Variants in TMEM132D observed in about 807,000 individuals in gnomAD.
The protein encoded by TMEM132D is mature OL transmembrane protein.
Under a neutral mutation model 62.3 loss-of-function variants are expected in TMEM132D, and 21 were observed. The observed-to-expected ratio is 0.34, with a 90% CI of 0.24 to 0.49. TMEM132D has a LOEUF of 0.49. Ranked by LOEUF, TMEM132D falls within the 20% of genes least tolerant of loss-of-function variation. TMEM132D has a pLI of 0.99. For missense variants in TMEM132D, 1,346 were observed against 1,402.8 expected (o/e 0.96, Z 0.65); for synonymous variants, 621 against 575.6 (o/e 1.08, Z -1.13).
At chr12:129,546,829 T>C (rs992772963) in intron 2 of TMEM132D, among the ~76,000 whole-genome samples, 5 of 151,788 alleles carry the variant, frequency 3.3e-5, no homozygotes, top group African/African-American at 1.2e-4. Context: ...AAAAAAGCTG[T>C]AGACAAGGGT....
intron 3 of TMEM132D, among the ~76,000 whole-genome samples, chr12:129,352,020 A>C (rs1463450791): frequency 6.6e-6 from 1 of 152,112 alleles, no homozygotes. Flanking sequence ...TCCTGTTGTA[A>C]AGGGAAGAGG....
chr12:129,210,956 C>T (rs1401681905), intron 4 of TMEM132D: 1 of 152,298 alleles, frequency 6.6e-6, no homozygotes, highest in South Asian at 2.1e-4. Context: ...CTCAGTGACT[C>T]CTCTAGAATT....
intron 4 of TMEM132D, among the ~76,000 whole-genome samples, chr12:129,226,117 G>A (rs982527130): frequency 6.6e-6 from 1 of 152,198 alleles, no homozygotes; most frequent in East Asian, 1.9e-4. Context: ...CGCATCATGT[G>A]TTTGCTCTGG....
In TMEM132D at chr12:129,699,926, C is replaced by T. The variant is rs760214046; in HGVS notation, c.852G>A (p.Leu284=). Residue 284 remains leucine, a synonymous_variant, in exon 2 of 9, where the codon CTG becomes CTA. Transcript: ENST00000422113. ...QTHRKPSLRE[L]RLDNSVAIHY... ...GGATGGCCACGCTGTTGTCCAGACG[C>T]AGTTCTCTCAGGGAGGGTTTCCTGT... The T allele has an allele frequency of 1.2e-4, 199 of 1,614,046 alleles. No homozygotes were observed. Among genetic ancestry groups the T allele is most frequent in the Non-Finnish European group, 1.7e-4 (196 of 1,180,040 alleles).
At chr12:129,291,078 A>G (rs1358116616) in intron 4 of TMEM132D, among the ~76,000 whole-genome samples, 1 of 152,206 alleles carries the variant, frequency 6.6e-6, no homozygotes, top group African/African-American at 2.4e-5. Context: ...GAAGAGAGAC[A>G]CCAAATGGAA....
chr12:129,726,937 G>A (rs78197221), intron 1 of TMEM132D, among the ~76,000 whole-genome samples: 3,140 of 152,278 alleles, frequency 0.021, 56 homozygotes, highest in Middle Eastern at 0.034. Flanking sequence ...CTGTGGCTGT[G>A]TGCTGGACAG....
chr12:129,542,333 T>C (rs1876603959), intron 2 of TMEM132D, among the ~76,000 whole-genome samples: 2 of 152,242 alleles, frequency 1.3e-5, no homozygotes. Flanking sequence ...TCAGCCTTCA[T>C]GGTTACCAGT....
chr12:129,740,052 G>A (rs1869551377), intron 1 of TMEM132D, among the ~76,000 whole-genome samples: 1 of 152,068 alleles, frequency 6.6e-6, no homozygotes, highest in Non-Finnish European at 1.5e-5. Context: ...CTCTCCTAAT[G>A]TGGCCTCTCT....
intron 2 of TMEM132D, among the ~76,000 whole-genome samples, chr12:129,542,816 T>G (rs181701024): frequency 2.4e-3 from 368 of 152,250 alleles, no homozygotes; most frequent in Non-Finnish European, 4.6e-3. Flanking sequence ...ATTATAATAT[T>G]GTATTTTTAC....
intron 2 of TMEM132D, among the ~76,000 whole-genome samples, chr12:129,549,554 C>T (rs1398513593): frequency 1.3e-5 from 2 of 152,216 alleles, no homozygotes; most frequent in Non-Finnish European, 2.9e-5. Flanking sequence ...TCCTCCTTTG[C>T]CTTCTGCCAT....
intron 5 of TMEM132D, among the ~76,000 whole-genome samples, chr12:129,090,536 C>T (rs1040829295): frequency 3.3e-5 from 5 of 152,062 alleles, no homozygotes; most frequent in Non-Finnish European, 7.4e-5. Flanking sequence ...GGCATGGTGG[C>T]ATGCACCTGT....
intron 2 of TMEM132D, among the ~76,000 whole-genome samples, chr12:129,567,025 C>G (rs528585046): frequency 3.9e-5 from 6 of 152,198 alleles, no homozygotes; most frequent in Non-Finnish European, 7.3e-5. Flanking sequence ...CTCCCTAAAA[C>G]GTATAAAACC....
chr12:129,342,395 C>T (rs1451929056), intron 3 of TMEM132D, among the ~76,000 whole-genome samples: 1 of 151,524 alleles, frequency 6.6e-6, no homozygotes, highest in East Asian at 1.9e-4. Context: ...AAACTGGATC[C>T]CTTCCTTACA....
Position 129,412,664 on chromosome 12 carries a change from G to A in TMEM132D, c.1116-74847C>T, listed in dbSNP as rs564020325. Among the ~76,000 whole-genome samples, 50 of 152,244 alleles carry A rather than the reference G, an allele frequency of 3.3e-4. 1 individual carries two copies. Among genetic ancestry groups the A allele is most frequent in the Non-Finnish European group, 2.1e-4 (14 of 68,018 alleles). Reference sequence around the variant, plus strand: ...TTGATCAGGAGTTTGAGACCAGTCTGGTCAACATGGTGAAACCCCATCTCT... The same window carrying A: ...TTGATCAGGAGTTTGAGACCAGTCTAGTCAACATGGTGAAACCCCATCTCT... On this transcript the variant is annotated intron_variant, in intron 3 of 8. Transcript: ENST00000422113.
chr12:129,523,088 ACATGTGTG>A (rs1173250820), intron 3 of TMEM132D, among the ~76,000 whole-genome samples: 1 of 148,308 alleles, frequency 6.7e-6, no homozygotes, highest in Non-Finnish European at 1.5e-5. Flanking sequence ...TAAGGGCTGC[ACATGTGTG>A]CATACACACG....
intron 2 of TMEM132D, among the ~76,000 whole-genome samples, chr12:129,668,437 A>G (rs931101114): frequency 2.6e-5 from 4 of 151,616 alleles, no homozygotes; most frequent in African/African-American, 9.7e-5. Flanking sequence ...TTTTCAAAAG[A>G]CAGTTTATAA....
rs762475276 is a variant in TMEM132D, at chr12:129,289,258, C to T, written c.1299+48376G>A. On this transcript the variant is annotated intron_variant, in intron 4 of 8. Coordinates refer to ENST00000422113, the MANE Select transcript of TMEM132D (RefSeq NM_133448.3). ...AAAAAGGTAGAACTAATTTTAACTGCCCTGGCCGGGCGCCATGGCTCACAC... is the reference window on the plus strand; with the variant it reads ...AAAAAGGTAGAACTAATTTTAACTGTCCTGGCCGGGCGCCATGGCTCACAC... 7.9e-5 allele frequency among the ~76,000 whole-genome samples: 12 copies of T among 152,162 alleles called. No individual in the cohort carries two copies. In the East Asian group the frequency reaches 1.4e-3, roughly 17 times the overall value.
intron 5 of TMEM132D, among the ~76,000 whole-genome samples, chr12:129,089,322 G>GTGTCCTCCCTGACCGGGA (rs1565960356): frequency 1.5e-4 from 8 of 54,132 alleles, no homozygotes; most frequent in African/African-American, 8.6e-4. Context: ...CCATGACCGG[G>GTGTCCTCCCTGACCGGGA]TGTCCTCCCT....
chr12:129,242,514 T>G (rs1020807574), intron 4 of TMEM132D, among the ~76,000 whole-genome samples: 3 of 152,278 alleles, frequency 2.0e-5, no homozygotes, highest in Admixed American at 2.0e-4. Context: ...ATGTCCTTAT[T>G]TTTTAGTTTT....
Sources: gnomAD v4.1 joint callset for allele counts (sites outside exome capture counted in the v4.1 genomes callset) on GRCh38, gnomAD v4.1.1 for gene constraint, MANE v1.5 for transcripts, NCBI Gene and HGNC (gene_info 2026-07-23, HGNC 2026-07-21) for gene names.